The following CNTNAP5 variants were observed in gnomAD, a reference collection of about 807,000 sequenced individuals.
CNTNAP5 encodes contactin associated protein family member 5.
Under a neutral mutation model 150.2 loss-of-function variants are expected in CNTNAP5, and 72 were observed. The observed-to-expected ratio is 0.48, with a 90% CI of 0.40 to 0.58. The LOEUF (loss-of-function observed/expected upper bound fraction) is 0.58, where lower values mean the gene tolerates loss of function less well. Among genes scored for constraint, CNTNAP5 ranks in the 20% least tolerant of loss-of-function variants. CNTNAP5 has a pLI of 0.00. For missense variants in CNTNAP5, 1,636 were observed against 1,626.2 expected, an observed-to-expected ratio of 1.01 and a Z score of -0.10; for synonymous variants, 672 against 619.8, an observed-to-expected ratio of 1.08 and a Z score of -1.25.
At chr2:124,810,125 C>T (rs1682175999) in intron 19 of CNTNAP5, among the ~76,000 whole-genome samples, 1 of 152,180 alleles carries the variant, frequency 6.6e-6, no homozygotes, top group East Asian at 1.9e-4. Flanking sequence ...TTTCCTGGGA[C>T]TCTACTTGAT....
At chr2:124,082,816 A>G (rs1682590764) in intron 1 of CNTNAP5, among the ~76,000 whole-genome samples, 1 of 151,956 alleles carries the variant, frequency 6.6e-6, no homozygotes, top group Admixed American at 6.6e-5. Flanking sequence ...TGTTGTCACT[A>G]TTTTTTACTT....
At chr2:124,759,492 C>A (rs1435895735) in intron 14 of CNTNAP5, among the ~76,000 whole-genome samples, 1 of 148,728 alleles carries the variant, frequency 6.7e-6, no homozygotes, top group Non-Finnish European at 1.5e-5. Context: ...ATTATGACTC[C>A]CAAAATCTTC....
chr2:124,638,080 G>T (rs1361586485), intron 12 of CNTNAP5, among the ~76,000 whole-genome samples: 2 of 151,694 alleles, frequency 1.3e-5, no homozygotes, highest in Non-Finnish European at 2.9e-5. Context: ...GTGTGTGCGT[G>T]TATGTGTGTG....
chr2:124,701,074 A>G (rs979669555), intron 13 of CNTNAP5, among the ~76,000 whole-genome samples: 2 of 151,984 alleles, frequency 1.3e-5, no homozygotes, highest in African/African-American at 2.4e-5. Flanking sequence ...TATTACCTGT[A>G]TGGTCCTCAT....
Position 124,446,892 on chromosome 2 carries a change from C to T in CNTNAP5, c.873C>T (p.His291=). 6.2e-7 allele frequency: 1 copy of T among 1,613,948 alleles called. No homozygotes were observed. Among genetic ancestry groups the T allele is most frequent in the Non-Finnish European group, 8.5e-7 (1 of 1,179,854 alleles). ...TCACGGTGGACAAGCACACACAGCA[C>T]TTCCGCACCAAGGGCGAGACGGATG... The part of the protein sequence containing the change: ...VNFTVDKHTQ[H]FRTKGETDAL... Residue 291 remains histidine, a synonymous_variant, in exon 6 of 24, where the codon CAC becomes CAT. Transcript: ENST00000682447.
chr2:124,830,596 G>C (rs1682693850), intron 19 of CNTNAP5, among the ~76,000 whole-genome samples: 1 of 152,026 alleles, frequency 6.6e-6, no homozygotes, highest in South Asian at 2.1e-4. Flanking sequence ...ACCTTGAGCA[G>C]AGGGAATACA....
chr2:124,283,567 A>G (rs1573889711), intron 3 of CNTNAP5, among the ~76,000 whole-genome samples: 2 of 152,302 alleles, frequency 1.3e-5, no homozygotes, highest in South Asian at 2.1e-4. Flanking sequence ...TCAGGAGACA[A>G]TGGAAACCTA....
At chr2:124,183,301 G>T (rs764437969) in intron 1 of CNTNAP5, among the ~76,000 whole-genome samples, 1 of 152,178 alleles carries the variant, frequency 6.6e-6, no homozygotes, top group African/African-American at 2.4e-5. Flanking sequence ...TCATGTTATA[G>T]TGTTAGCTCC....
At chr2:124,084,917 GT>G (rs1682644580) in intron 1 of CNTNAP5, among the ~76,000 whole-genome samples, 1 of 27,410 alleles carries the variant, frequency 3.6e-5, no homozygotes, top group East Asian at 1.9e-3. Context: ...ATGAATTCAA[GT>G]TTCCTGTTTT....
intron 4 of CNTNAP5, among the ~76,000 whole-genome samples, chr2:124,424,741 A>G (rs1198627464): frequency 1.3e-5 from 2 of 152,210 alleles, no homozygotes; most frequent in Non-Finnish European, 2.9e-5. Flanking sequence ...TCCCTCTGCT[A>G]GGCTTCAGAG....
chr2:124,183,197 C>T (rs1011129634), intron 1 of CNTNAP5, among the ~76,000 whole-genome samples: 44 of 152,130 alleles, frequency 2.9e-4, no homozygotes, highest in African/African-American at 9.4e-4. Context: ...ATTTAATAAA[C>T]ATTCCATTAG....
intron 3 of CNTNAP5, among the ~76,000 whole-genome samples, chr2:124,316,804 CAAAAAAAAAAAAA>C (rs56812690): frequency 1.1e-4 from 6 of 54,770 alleles, no homozygotes; most frequent in South Asian, 9.0e-4. Context: ...GACTCCATCT[CAAAAAAAAAAAAA>C]AAAAAAAAAA....
At chr2:124,730,915 C>T (rs1456000137) in intron 13 of CNTNAP5, among the ~76,000 whole-genome samples, 2 of 152,020 alleles carry the variant, frequency 1.3e-5, no homozygotes, top group Admixed American at 1.3e-4. Flanking sequence ...GCATGAAATC[C>T]TATTTTTATT....
chr2:124,673,911 G>C (rs1436936676), intron 13 of CNTNAP5, among the ~76,000 whole-genome samples: 1 of 151,900 alleles, frequency 6.6e-6, no homozygotes, highest in Non-Finnish European at 1.5e-5. Context: ...ATAATTTACT[G>C]TTTTTAGTAT....
intron 21 of CNTNAP5, among the ~76,000 whole-genome samples, chr2:124,872,987 G>A (rs17012104): frequency 0.026 from 3,978 of 152,172 alleles, 186 homozygotes; most frequent in Admixed American, 0.097. Flanking sequence ...TAAGATTGAG[G>A]AGGAATACTG....
chr2:124,030,695 T>C (rs1403738954), intron 1 of CNTNAP5, among the ~76,000 whole-genome samples: 1 of 152,140 alleles, frequency 6.6e-6, no homozygotes, highest in Non-Finnish European at 1.5e-5. Context: ...TGCAAAATGC[T>C]AAACATCACA....
rs1056401698 is a variant in CNTNAP5, at chr2:124,865,363, A to G, written c.3275A>G (p.Asp1092Gly). 2 of 1,562,164 alleles carry G rather than the reference A, an allele frequency of 1.3e-6. No individual in the cohort carries two copies. Among genetic ancestry groups the G allele is most frequent in the African/African-American group, 2.7e-5 (2 of 73,726 alleles). Residue 1092 changes from aspartate (D) to glycine (G), a missense_variant, in exon 20 of 24, where the codon GAT becomes GGT. By Grantham distance (94) the Asp-to-Gly change is moderately conservative (BLOSUM62 -1). Transcript: ENST00000682447. ...NKEETHVFTI[D>G]ADNFANRRMH... Reference sequence around the variant, plus strand: ...GAAGAAACCCATGTATTCACCATTGATGCAGATAACTTTGCTAACAGAAGG... The same window carrying G: ...GAAGAAACCCATGTATTCACCATTGGTGCAGATAACTTTGCTAACAGAAGG...
chr2:124,654,618 C>T (rs990741466), intron 13 of CNTNAP5, among the ~76,000 whole-genome samples: 2 of 152,234 alleles, frequency 1.3e-5, no homozygotes, highest in East Asian at 1.9e-4. Context: ...CTTGCTGCGG[C>T]CCACTTTCAC....
intron 6 of CNTNAP5, among the ~76,000 whole-genome samples, chr2:124,448,209 A>T (rs1692872465): frequency 6.6e-6 from 1 of 151,874 alleles, no homozygotes; most frequent in Non-Finnish European, 1.5e-5. Flanking sequence ...TGGTGCTTGC[A>T]GTGAGCCTAG....
Sources: gnomAD v4.1 joint callset for allele counts (sites outside exome capture counted in the v4.1 genomes callset) on GRCh38, gnomAD v4.1.1 for gene constraint, MANE v1.5 for transcripts, NCBI Gene and HGNC (gene_info 2026-07-23, HGNC 2026-07-21) for gene names.